Variants in PTPRD observed in about 807,000 individuals in gnomAD.
The protein encoded by PTPRD is protein tyrosine phosphatase receptor type D, also known as receptor-type tyrosine-protein phosphatase delta.
In PTPRD, 34 loss-of-function variants were observed where a neutral mutation model predicts 214.5. That is an observed-to-expected ratio of 0.16 (90% CI 0.12 to 0.21). PTPRD has a LOEUF of 0.21. Among genes scored for constraint, PTPRD ranks in the 10% least tolerant of loss-of-function variants. The pLI, the probability that PTPRD is intolerant of heterozygous loss-of-function variation, is 1.00. For synonymous variants in PTPRD, 1,128 were observed against 845.7 expected, an observed-to-expected ratio of 1.33 and a Z score of -5.79; for missense variants, 2,545 against 2,398.7, an observed-to-expected ratio of 1.06 and a Z score of -1.27.
At chr9:8,338,894 T>A (rs1849637984) in intron 43 of PTPRD, 28 bp downstream of exon 43, 1 of 1,546,826 alleles carries the variant, frequency 6.5e-7, no homozygotes, top group East Asian at 2.4e-5. Context: ...CAGCTAATGG[T>A]TAAGAGTTGA....
intron 11 of PTPRD, among the ~76,000 whole-genome samples, chr9:8,996,975 T>G (rs959194444): frequency 6.6e-6 from 1 of 152,106 alleles, no homozygotes; most frequent in Non-Finnish European, 1.5e-5. Flanking sequence ...ATATATTTTA[T>G]GTATGTAACT....
chr9:9,891,157 C>G (rs1399354677), intron 5 of PTPRD, among the ~76,000 whole-genome samples: 1 of 152,072 alleles, frequency 6.6e-6, no homozygotes, highest in Non-Finnish European at 1.5e-5. Context: ...GTCAGCCAAC[C>G]AACGGTATAT....
At chr9:9,643,210 T>C (rs1166283949) in intron 7 of PTPRD, among the ~76,000 whole-genome samples, 1 of 152,214 alleles carries the variant, frequency 6.6e-6, no homozygotes, top group Non-Finnish European at 1.5e-5. Context: ...AAATCCTGTA[T>C]GACAGAAGTC....
At chr9:10,208,440 G>A (rs2099496675) in intron 3 of PTPRD, among the ~76,000 whole-genome samples, 1 of 152,214 alleles carries the variant, frequency 6.6e-6, no homozygotes, top group Non-Finnish European at 1.5e-5. Flanking sequence ...CGTGAACCCG[G>A]GAGGCGGAGC....
At chr9:8,918,619 C>T (rs1441190219) in intron 11 of PTPRD, among the ~76,000 whole-genome samples, 1 of 152,050 alleles carries the variant, frequency 6.6e-6, no homozygotes, top group South Asian at 2.1e-4. Context: ...TACTTGTAGC[C>T]TATGTTAGAA....
intron 2 of PTPRD, among the ~76,000 whole-genome samples, chr9:10,384,074 CA>C (rs33977592): frequency 0.079 from 8,272 of 104,626 alleles, 301 homozygotes; most frequent in African/African-American, 0.13. Context: ...TTAATGGGTA[CA>C]AAAAAAAAAA....
intron 2 of PTPRD, among the ~76,000 whole-genome samples, chr9:10,552,479 T>C (rs1381254029): frequency 1.3e-5 from 2 of 152,154 alleles, no homozygotes. Context: ...GTCTTTTTTT[T>C]CTACATGATC....
intron 12 of PTPRD, among the ~76,000 whole-genome samples, chr9:8,668,116 A>G (rs2097205246): frequency 6.6e-6 from 1 of 152,224 alleles, no homozygotes; most frequent in South Asian, 2.1e-4. Context: ...AAAATATATC[A>G]CCCTGGAAAG....
chr9:10,265,659 C>T (rs12554798), intron 3 of PTPRD, among the ~76,000 whole-genome samples: 1,997 of 152,284 alleles, frequency 0.013, 164 homozygotes, highest in Admixed American at 0.12. Context: ...ATGAGCAAGG[C>T]TGTGTTCCAA....
chr9:8,406,567 T>C (rs2093000685), intron 35 of PTPRD, among the ~76,000 whole-genome samples: 1 of 151,758 alleles, frequency 6.6e-6, no homozygotes, highest in Non-Finnish European at 1.5e-5. Flanking sequence ...TATGCAGCTT[T>C]CGTCATCTTT....
At chr9:9,952,757 T>C (rs1031752778) in intron 4 of PTPRD, among the ~76,000 whole-genome samples, 3 of 152,080 alleles carry the variant, frequency 2.0e-5, no homozygotes, top group East Asian at 3.9e-4. Context: ...ACACTGAAGA[T>C]AGAGTACCTG....
In PTPRD at chr9:9,384,343, C is replaced by CTTTTTTTTT. The variant is rs869246078; in HGVS notation, c.-203+13097_-203+13105dup. Among the ~76,000 whole-genome samples, 30 of 33,314 alleles carry CTTTTTTTTT rather than the reference C, an allele frequency of 9.0e-4. 10 individuals are homozygous for CTTTTTTTTT. Among genetic ancestry groups the CTTTTTTTTT allele is most frequent in the Non-Finnish European group, 1.6e-3 (23 of 14,296 alleles). 21.9% of individuals were successfully genotyped at this position (33,314 alleles called of 152,430 possible). A position where few individuals can be genotyped will look rare whatever the true frequency, so the allele number is the denominator to read the frequency against. ...GATGATATTTGAGCAGAAGACTAGG[C>CTTTTTTTTT]TTTTTTTTTTTTTTTTTTTTTTTTT... On this transcript the variant is annotated intron_variant, in intron 9 of 45. Coordinates refer to ENST00000381196, the MANE Select transcript of PTPRD (RefSeq NM_002839.4).
chr9:10,276,539 T>C (rs1357969074), intron 3 of PTPRD, among the ~76,000 whole-genome samples: 1 of 152,210 alleles, frequency 6.6e-6, no homozygotes, highest in Non-Finnish European at 1.5e-5. Context: ...GACAAATTCA[T>C]TGCATTAGCC....
At chr9:9,710,972 G>A (rs901748792) in intron 7 of PTPRD, among the ~76,000 whole-genome samples, 1 of 151,840 alleles carries the variant, frequency 6.6e-6, no homozygotes, top group Non-Finnish European at 1.5e-5. Context: ...GAGCGAGAGA[G>A]AGCGTGTGTG....
intron 3 of PTPRD, among the ~76,000 whole-genome samples, chr9:10,237,823 T>C (rs2099633982): frequency 1.3e-5 from 2 of 151,962 alleles, no homozygotes; most frequent in Admixed American, 1.3e-4. Context: ...AGTGTCCATG[T>C]TGGACCAGAT....
chr9:8,319,449 G>A (rs901088494), intron 45 of PTPRD, among the ~76,000 whole-genome samples: 2 of 151,902 alleles, frequency 1.3e-5, no homozygotes, highest in Non-Finnish European at 2.9e-5. Context: ...CATACAGAGG[G>A]AGAATGGAGA....
chr9:9,614,603 G>C (rs2094737696), intron 7 of PTPRD, among the ~76,000 whole-genome samples: 1 of 152,126 alleles, frequency 6.6e-6, no homozygotes, highest in Non-Finnish European at 1.5e-5. Flanking sequence ...CTGGAGTTTT[G>C]ATTCAATAGA....
intron 7 of PTPRD, among the ~76,000 whole-genome samples, chr9:9,607,228 C>T (rs905364912): frequency 5.9e-5 from 9 of 152,050 alleles, no homozygotes; most frequent in African/African-American, 2.2e-4. Context: ...GAAAGAATCA[C>T]AAGTAGTAAC....
Position 10,164,893 on chromosome 9 carries a change from GA to G in PTPRD, c.-544-131104del, listed in dbSNP as rs5896374. ...GGGGACATGGAAGTAATTTGAACAA[GA>G]AAAAAAAAAAAAGACAATAGCATAC... On this transcript the variant is annotated intron_variant, in intron 3 of 45. Coordinates refer to ENST00000381196, the MANE Select transcript of PTPRD (RefSeq NM_002839.4). Among the ~76,000 whole-genome samples, 568 of 125,760 alleles carry G rather than the reference GA, an allele frequency of 4.5e-3. 3 individuals are homozygous for G. The highest frequency in any genetic ancestry group is 0.029 in the South Asian group (120 of 4,142). The allele number at this position is 125,760 out of a possible 152,430, so 82.5% of individuals were successfully genotyped here.
Sources: gnomAD v4.1 joint callset for allele counts (sites outside exome capture counted in the v4.1 genomes callset) on GRCh38, gnomAD v4.1.1 for gene constraint, MANE v1.5 for transcripts, NCBI Gene and HGNC (gene_info 2026-07-23, HGNC 2026-07-21) for gene names.